SYNE2: variants seen among roughly 807,000 people sequenced by gnomAD.
The protein encoded by SYNE2 is nesprin-2.
Under a neutral mutation model 856.3 loss-of-function variants are expected in SYNE2, and 431 were observed. That is an observed-to-expected ratio of 0.50 (90% CI 0.47 to 0.55). The LOEUF (loss-of-function observed/expected upper bound fraction) is 0.55, where lower values mean the gene tolerates loss of function less well. Ranked by LOEUF, SYNE2 falls within the 20% of genes least tolerant of loss-of-function variation. SYNE2 has a pLI of 0.00. For missense variants in SYNE2, 8,129 were observed against 8,023.2 expected (o/e 1.01, Z -0.50); for synonymous variants, 2,923 against 2,872.3 (o/e 1.02, Z -0.56).
At chr14:63,792,688 A>G in intron 1 of SYNE2, among the ~76,000 whole-genome samples, 1 of 151,536 alleles carries the variant, frequency 6.6e-6, no homozygotes, top group Non-Finnish European at 1.5e-5. Context: ...TTTTTTAGAG[A>G]CAGGGTCTTG....
intron 2 of SYNE2, among the ~76,000 whole-genome samples, chr14:63,939,392 G>T (rs1234808830): frequency 2.8e-5 from 4 of 144,180 alleles, no homozygotes; most frequent in Non-Finnish European, 6.0e-5. Flanking sequence ...TTGTCACCCA[G>T]GCTGGAGTGC....
intron 1 of SYNE2, among the ~76,000 whole-genome samples, chr14:63,839,314 C>A (rs1889967734): frequency 6.6e-6 from 1 of 152,168 alleles, no homozygotes; most frequent in Non-Finnish European, 1.5e-5. Flanking sequence ...CAGGTGTGAG[C>A]CACCGCGCCC....
chr14:63,845,375 CATTGCACTCCAGCCTGGGT>C (rs1890194026), intron 1 of SYNE2, among the ~76,000 whole-genome samples: 2 of 150,772 alleles, frequency 1.3e-5, no homozygotes, highest in African/African-American at 2.4e-5. Context: ...GAGATCATGC[CATTGCACTCCAGCCTGGGT>C]GACAACAGCA....
chr14:64,081,399 G>A (rs1169469957), intron 56 of SYNE2, 44 bp from the exon 57 acceptor site: 1 of 1,613,744 alleles, frequency 6.2e-7, no homozygotes, highest in Non-Finnish European at 8.5e-7. Context: ...TTCAGCTCCA[G>A]TAAAAGGCAT....
rs1370721455 is a variant in SYNE2, at chr14:64,188,624, G to T, written c.17787G>T (p.Leu5929Phe). 6.2e-7 allele frequency: 1 copy of T among 1,614,212 alleles called. No individual in the cohort carries two copies. Among genetic ancestry groups the T allele is most frequent in the South Asian group, 1.1e-5 (1 of 91,078 alleles). ...TATTCAATGAAAAAAATAAAGAGTT[G>T]TGTGCCTGGCTGGTGCAGATGGAAA... ...WVVFNEKNKE[L>F]CAWLVQMENK... Residue 5929 changes from leucine (L) to phenylalanine (F), a missense_variant, in exon 98 of 116, where the codon TTG becomes TTT. Physicochemically the swap from Leu to Phe is conservative, Grantham distance 22. Around this residue, in one of 3 missense-constraint regions of SYNE2, gnomAD observed 5,410 missense variants for 5,284.8 expected, o/e 1.02. Coordinates refer to ENST00000555002, the MANE Select transcript of SYNE2 (RefSeq NM_182914.3).
intron 52 of SYNE2, among the ~76,000 whole-genome samples, chr14:64,073,076 T>G (rs2097425135): frequency 6.6e-6 from 1 of 152,108 alleles, no homozygotes; most frequent in African/African-American, 2.4e-5. Flanking sequence ...GAGCCCTGTC[T>G]TTTGGGTTTT....
chr14:63,911,006 C>A (rs1039188442), intron 2 of SYNE2, among the ~76,000 whole-genome samples: 1 of 152,074 alleles, frequency 6.6e-6, no homozygotes, highest in Admixed American at 6.6e-5. Context: ...TTCAATGGCT[C>A]CCTATCACAT....
chr14:63,858,798 TAAC>T (rs2140119305), intron 1 of SYNE2, among the ~76,000 whole-genome samples: 1 of 152,320 alleles, frequency 6.6e-6, no homozygotes, highest in African/African-American at 2.4e-5. Flanking sequence ...TACATTCTCT[TAAC>T]AATATCTTTT....
intron 6 of SYNE2, among the ~76,000 whole-genome samples, chr14:63,944,278 T>TTATATATATATATATATATATATA (rs71123818): frequency 7.6e-5 from 11 of 144,050 alleles, no homozygotes; most frequent in African/African-American, 2.8e-4. Context: ...TTCTGAATTT[T>TTATATATATATATATATATATATA]TATATATATA....
At chr14:64,191,142 AT>A (rs2098516816) in intron 99 of SYNE2, 2 of 424,130 alleles carry the variant, frequency 4.7e-6, no homozygotes, top group Non-Finnish European at 8.3e-6. Flanking sequence ...TTATCTTATT[AT>A]TTAAATTTAT....
chr14:64,184,184 C>T (rs552147360), intron 96 of SYNE2, among the ~76,000 whole-genome samples: 3 of 152,112 alleles, frequency 2.0e-5, no homozygotes, highest in Non-Finnish European at 4.4e-5. Flanking sequence ...TCCTTTCAGC[C>T]GTACATTTTG....
intron 96 of SYNE2, among the ~76,000 whole-genome samples, chr14:64,184,451 C>T (rs2098478767): frequency 6.6e-6 from 1 of 151,988 alleles, no homozygotes; most frequent in Non-Finnish European, 1.5e-5. Context: ...AGTGACTGTA[C>T]ACTTTCCGAT....
intron 1 of SYNE2, among the ~76,000 whole-genome samples, chr14:63,799,886 A>G (rs1481522391): frequency 1.3e-5 from 2 of 152,184 alleles, no homozygotes; most frequent in Non-Finnish European, 1.5e-5. Flanking sequence ...TCGCTCTAAT[A>G]GAAGATACTG....
intron 86 of SYNE2, 104 bp from the exon 87 acceptor site, chr14:64,159,208 T>G: frequency 7.0e-7 from 1 of 1,438,738 alleles, no homozygotes; most frequent in Non-Finnish European, 9.7e-7. Context: ...AGCTGTAAGA[T>G]TTGAGTGTTA....
chr14:64,198,300 G>C (rs376585509), intron 99 of SYNE2, among the ~76,000 whole-genome samples: 25 of 152,308 alleles, frequency 1.6e-4, no homozygotes, highest in African/African-American at 5.8e-4. Flanking sequence ...CTCATTTCCA[G>C]ATATTAACTT....
chr14:63,827,849 C>T (rs1889514401), intron 1 of SYNE2, among the ~76,000 whole-genome samples: 1 of 151,350 alleles, frequency 6.6e-6, no homozygotes, highest in South Asian at 2.1e-4. Flanking sequence ...ATACAGTAAG[C>T]CCTTCATATC....
At position 64,143,915 on chromosome 14, in the gene SYNE2, G is replaced by A; in HGVS notation, c.15450G>A (p.Gln5150=). The A allele has an allele frequency of 1.2e-6, 2 of 1,614,190 alleles. No homozygotes were observed. The highest frequency in any genetic ancestry group is 1.7e-6 in the Non-Finnish European group (2 of 1,180,028). ...AGCACCTGGGGGAGATGAACCGCCA[G>A]TGGCACCGTGTACATGGAATGCTGA... ...FAEHLGEMNR[Q]WHRVHGMLNR... Residue 5150 remains glutamine, a synonymous_variant, in exon 83 of 116, where the codon CAG becomes CAA. Transcript: ENST00000555002.
chr14:63,878,052 G>A (rs1403975066), intron 1 of SYNE2, among the ~76,000 whole-genome samples: 1 of 151,942 alleles, frequency 6.6e-6, no homozygotes, highest in African/African-American at 2.4e-5. Context: ...ACCACACCTG[G>A]TTAATTTTTT....
intron 65 of SYNE2, chr14:64,113,025 G>A (rs1478999725): frequency 2.0e-6 from 2 of 984,794 alleles, no homozygotes; most frequent in East Asian, 2.3e-4. Flanking sequence ...AAATGTTTCG[G>A]ACACACACAC....
Sources: allele counts gnomAD v4.1 joint callset (sites outside exome capture counted in the v4.1 genomes callset), GRCh38; gene constraint gnomAD v4.1.1; regional missense constraint gnomAD v4.1.1; transcripts MANE v1.5; gene names NCBI Gene and HGNC (gene_info 2026-07-23, HGNC 2026-07-21).